EHMT1: variants seen among roughly 807,000 people sequenced by gnomAD.
EHMT1 encodes euchromatic histone lysine methyltransferase 1.
In EHMT1, 15 loss-of-function variants were observed where a neutral mutation model predicts 147.2. The ratio of observed to expected loss-of-function variants is 0.10; its 90% CI spans 0.07 to 0.16. The LOEUF (loss-of-function observed/expected upper bound fraction) is 0.16, where lower values mean the gene tolerates loss of function less well. Ranked by LOEUF, EHMT1 falls within the 10% of genes least tolerant of loss-of-function variation. The pLI is 1.00. For missense variants in EHMT1, 1,587 were observed against 1,772.4 expected (o/e 0.90, Z 1.88); for synonymous variants, 795 against 709.6 (o/e 1.12, Z -1.91).
At chr9:137,679,046 C>T (rs905090305) in intron 1 of EHMT1, among the ~76,000 whole-genome samples, 1 of 152,144 alleles carries the variant, frequency 6.6e-6, no homozygotes, top group African/African-American at 2.4e-5. Flanking sequence ...CTCCGCCTCC[C>T]GGGTTCAAGT....
intron 3 of EHMT1, among the ~76,000 whole-genome samples, chr9:137,722,029 T>C (rs908167415): frequency 5.9e-5 from 9 of 152,138 alleles, no homozygotes; most frequent in African/African-American, 2.2e-4. Flanking sequence ...TGATCCATTT[T>C]GAGTTAATGT....
chr9:137,699,807 C>T (rs116932197), intron 1 of EHMT1, among the ~76,000 whole-genome samples: 1 of 152,186 alleles, frequency 6.6e-6, no homozygotes, highest in Non-Finnish European at 1.5e-5. Flanking sequence ...TGTGGTTGCA[C>T]CACTGCACTC....
chr9:137,691,324 T>TATATATATATAA (rs950554522), intron 1 of EHMT1, among the ~76,000 whole-genome samples: 25 of 149,334 alleles, frequency 1.7e-4, no homozygotes, highest in African/African-American at 5.9e-4. Flanking sequence ...TATATATATA[T>TATATATATATAA]AAAATATATT....
At chr9:137,826,264 GT>G (rs1325463027) in intron 25 of EHMT1, among the ~76,000 whole-genome samples, 1 of 152,162 alleles carries the variant, frequency 6.6e-6, no homozygotes, top group African/African-American at 2.4e-5. Flanking sequence ...TCTAGCATCT[GT>G]TTTGCTGCTT....
chr9:137,798,995 C>T (rs1953203591), intron 17 of EHMT1, 81 bp downstream of exon 17: 1 of 1,191,740 alleles, frequency 8.4e-7, no homozygotes, highest in South Asian at 1.2e-5. Context: ...CTGGTCCCAC[C>T]CCCATTCTCC....
intron 6 of EHMT1, chr9:137,747,587 T>C (rs1276930843): frequency 2.0e-5 from 3 of 152,262 alleles, no homozygotes; most frequent in African/African-American, 7.2e-5. Flanking sequence ...TTTACTAGGT[T>C]AACAGAATAA....
rs1383069403 is a variant in EHMT1, at chr9:137,835,268, A to G, written c.*315A>G. On this transcript the variant is annotated 3_prime_UTR_variant, in exon 27 of 27. Coordinates refer to ENST00000460843, the MANE Select transcript of EHMT1 (RefSeq NM_024757.5). ...TTCTGATGCTGATTTGTCGTTGCGAAGTTTCTCGTTTCTTCCTCTGACCTC... is the reference window on the plus strand; with the variant it reads ...TTCTGATGCTGATTTGTCGTTGCGAGGTTTCTCGTTTCTTCCTCTGACCTC... The G allele has an allele frequency of 1.1e-5, 3 of 277,142 alleles. No individual in the cohort carries two copies. The highest frequency in any genetic ancestry group is 5.5e-5 in the Admixed American group (1 of 18,340). The allele number at this position is 277,142 out of a possible 1,614,324, so 17.2% of individuals were successfully genotyped here. A position where few individuals can be genotyped will look rare whatever the true frequency, so the allele number is the denominator to read the frequency against.
At chr9:137,643,070 A>G (rs993057251) in intron 1 of EHMT1, among the ~76,000 whole-genome samples, 10 of 151,368 alleles carry the variant, frequency 6.6e-5, no homozygotes, top group African/African-American at 2.4e-4. Flanking sequence ...TTTTGTAGAG[A>G]TGGGGTCTCA....
chr9:137,801,624 G>C (rs547729079), intron 18 of EHMT1, among the ~76,000 whole-genome samples: 29 of 152,258 alleles, frequency 1.9e-4, no homozygotes, highest in African/African-American at 3.9e-4. Context: ...TCAGCCTCTG[G>C]AGTAGTTGGG....
chr9:137,633,466 A>G (rs1843757007), intron 1 of EHMT1, among the ~76,000 whole-genome samples: 1 of 152,154 alleles, frequency 6.6e-6, no homozygotes, highest in Non-Finnish European at 1.5e-5. Context: ...ACTGTGACAC[A>G]GTTTTCTGTT....
chr9:137,744,850 G>A (rs986729267), intron 6 of EHMT1, among the ~76,000 whole-genome samples: 1 of 152,270 alleles, frequency 6.6e-6, no homozygotes, highest in Non-Finnish European at 1.5e-5. Flanking sequence ...TCACAGCGGT[G>A]CTGTTGCCCC....
chr9:137,748,059 T>C (rs1305215259), intron 6 of EHMT1: 1 of 152,240 alleles, frequency 6.6e-6, no homozygotes, highest in Non-Finnish European at 1.5e-5. Context: ...TTCATTGTTA[T>C]GGAATAGTAG....
At chr9:137,752,920 TCTGGTGGTGAGGACTGGAGGGAA>T (rs1238666570) in intron 7 of EHMT1, among the ~76,000 whole-genome samples, 1 of 152,112 alleles carries the variant, frequency 6.6e-6, no homozygotes, top group African/African-American at 2.4e-5. Context: ...GACAGAACTT[TCTGGTGGTGAGGACTGGAGGGAA>T]GAGGGGTTCT....
chr9:137,733,045 G>T (rs897305464), intron 4 of EHMT1, among the ~76,000 whole-genome samples: 10 of 152,188 alleles, frequency 6.6e-5, no homozygotes, highest in Admixed American at 5.9e-4. Context: ...GTGTGTGGTA[G>T]CTTGTTCCCA....
At chr9:137,662,776 TTTTA>T (rs150295245) in intron 1 of EHMT1, among the ~76,000 whole-genome samples, 103,945 of 133,766 alleles carry the variant, frequency 0.78, 37,553 homozygotes, top group East Asian at 0.9. Context: ...CTGGCCTGAA[TTTTA>T]TTTATTTATT....
Position 137,828,663 on chromosome 9 carries a change from G to T in EHMT1, c.3541-5686G>T, listed in dbSNP as rs1955987304. On this transcript the variant is annotated intron_variant, in intron 25 of 26. Coordinates refer to ENST00000460843, the MANE Select transcript of EHMT1 (RefSeq NM_024757.5). This position sits in a 1 kb window ranked among gnomAD's most constrained non-coding sequence, Gnocchi z 5.3. ...CCAAGTGACGCTTGGTGCAGAGCTG[G>T]AAGGTTCTCAGGGTGGGAGGAGGGT... Among the ~76,000 whole-genome samples the T allele has an allele frequency of 6.6e-6, 1 of 152,188 alleles. No individual in the cohort carries two copies. Among genetic ancestry groups the T allele is most frequent in the African/African-American group, 2.4e-5 (1 of 41,450 alleles).
In EHMT1 at chr9:137,661,918, T is replaced by G. The variant is rs572092036; in HGVS notation, c.21+42869T>G. ...CCTGAGTTCAAGTGATTCTGCTGCC[T>G]CAGCCTCCCAGGTAGCTGGGATTAC... On this transcript the variant is annotated intron_variant, in intron 1 of 26. Coordinates refer to ENST00000460843, the MANE Select transcript of EHMT1 (RefSeq NM_024757.5). 2.0e-5 allele frequency among the ~76,000 whole-genome samples: 3 copies of G among 152,334 alleles called. No individual in the cohort carries two copies. In the East Asian group the frequency reaches 5.8e-4, roughly 29 times the overall value.
chr9:137,619,079 C>G (rs1842775651), intron 1 of EHMT1, 30 bp downstream of exon 1: 1 of 723,512 alleles, frequency 1.4e-6, no homozygotes, highest in Non-Finnish European at 1.7e-6. Context: ...GGGGGCGGCG[C>G]GGGGGCGGCG....
At chr9:137,623,248 C>T (rs544530481) in intron 1 of EHMT1, among the ~76,000 whole-genome samples, 106 of 151,920 alleles carry the variant, frequency 7.0e-4, no homozygotes, top group Non-Finnish European at 1.4e-3. Context: ...ATGCATGTTC[C>T]CTCTGCCTGG....
Sources: gnomAD v4.1 joint callset for allele counts (sites outside exome capture counted in the v4.1 genomes callset) on GRCh38, gnomAD v4.1.1 for gene constraint, Gnocchi (gnomAD v3.1) non-coding constraint, MANE v1.5 for transcripts, NCBI Gene and HGNC (gene_info 2026-07-23, HGNC 2026-07-21) for gene names.